The following NAALADL2 variants were observed in gnomAD, a reference collection of about 807,000 sequenced individuals.
NAALADL2 encodes N-acetylated alpha-linked acidic dipeptidase like 2, also known as inactive N-acetylated-alpha-linked acidic dipeptidase-like protein 2.
In NAALADL2, 76 loss-of-function variants were observed where a neutral mutation model predicts 87.2. The ratio of observed to expected loss-of-function variants is 0.87; its 90% CI spans 0.72 to 1.05. The LOEUF (loss-of-function observed/expected upper bound fraction) is 1.05, where lower values mean the gene tolerates loss of function less well. Ranked by LOEUF, NAALADL2 falls within the 50% of genes least tolerant of loss-of-function variation. NAALADL2 has a pLI of 0.00. For synonymous variants in NAALADL2, 354 were observed against 331.0 expected (o/e 1.07, Z -0.75); for missense variants, 1,089 against 945.8 (o/e 1.15, Z -1.99).
chr3:175,659,046 T>C (rs1166370366), intron 11 of NAALADL2, among the ~76,000 whole-genome samples: 2 of 152,196 alleles, frequency 1.3e-5, no homozygotes, highest in African/African-American at 2.4e-5. Context: ...AGGCCATCTG[T>C]TTATTAACCA....
intron 10 of NAALADL2, among the ~76,000 whole-genome samples, chr3:175,584,385 T>G (rs1186597277): frequency 1.4e-5 from 2 of 147,644 alleles, no homozygotes; most frequent in Non-Finnish European, 2.9e-5. Context: ...ACAAAGCAGT[T>G]AAGAAAACTG....
chr3:174,662,570 C>A (rs937798796), intron 2 of NAALADL2, among the ~76,000 whole-genome samples: 1 of 152,038 alleles, frequency 6.6e-6, no homozygotes, highest in Non-Finnish European at 1.5e-5. Flanking sequence ...GGCAAGATAA[C>A]TTGATCAGAG....
intron 1 of NAALADL2, among the ~76,000 whole-genome samples, chr3:174,883,051 A>C (rs113672621): frequency 2.0e-5 from 3 of 151,910 alleles, no homozygotes; most frequent in Non-Finnish European, 4.4e-5. Context: ...TTGGAGTCCG[A>C]TGTTCAAGGG....
intron 4 of NAALADL2, among the ~76,000 whole-genome samples, chr3:175,304,943 C>T (rs1317518370): frequency 6.6e-6 from 1 of 151,784 alleles, no homozygotes; most frequent in Non-Finnish European, 1.5e-5. Context: ...GAATTAAGTT[C>T]CTATGTAAAC....
intron 4 of NAALADL2, among the ~76,000 whole-genome samples, chr3:175,303,645 G>A (rs1020510334): frequency 1.3e-5 from 2 of 152,126 alleles, no homozygotes; most frequent in Non-Finnish European, 2.9e-5. Context: ...CGCACATAGC[G>A]TTACTTGCAG....
In NAALADL2 at chr3:175,184,290, C is replaced by T. The variant is rs116483573; in HGVS notation, c.546-49641C>T. On this transcript the variant is annotated intron_variant, in intron 2 of 13. Coordinates refer to ENST00000454872, the MANE Select transcript of NAALADL2 (RefSeq NM_207015.3). The stretch of plus-strand genomic sequence containing the variant: ...AGAACTTTTTCCCTTTAATATCAAG[C>T]AAAGCTTGAGATGCAGATTGAGCAT... Among the ~76,000 whole-genome samples the T allele has an allele frequency of 6.7e-3, 1,018 of 152,048 alleles. 10 individuals are homozygous for T. The highest frequency in any genetic ancestry group is 0.023 in the African/African-American group (945 of 41,502).
chr3:175,147,916 A>G (rs1223444639), intron 2 of NAALADL2, among the ~76,000 whole-genome samples: 3 of 151,804 alleles, frequency 2.0e-5, no homozygotes, highest in Non-Finnish European at 2.9e-5. Flanking sequence ...CTAAAAATAC[A>G]AAAATTAGCC....
intron 9 of NAALADL2, among the ~76,000 whole-genome samples, chr3:175,554,649 A>G (rs931308829): frequency 2.0e-5 from 3 of 152,122 alleles, no homozygotes; most frequent in African/African-American, 7.2e-5. Flanking sequence ...AGTACTTAAT[A>G]CACCCTGATA....
intron 1 of NAALADL2, among the ~76,000 whole-genome samples, chr3:174,958,549 C>T (rs1025351213): frequency 6.6e-6 from 1 of 151,964 alleles, no homozygotes; most frequent in South Asian, 2.1e-4. Context: ...TGGAGTGATT[C>T]AATAACTGAT....
chr3:174,916,752 A>G (rs1734467105), intron 1 of NAALADL2, among the ~76,000 whole-genome samples: 1 of 152,116 alleles, frequency 6.6e-6, no homozygotes, highest in Non-Finnish European at 1.5e-5. Flanking sequence ...AAGACTACAC[A>G]CTGTGTATAG....
intron 5 of NAALADL2, among the ~76,000 whole-genome samples, chr3:175,393,944 C>A (rs1192331274): frequency 6.6e-6 from 1 of 152,048 alleles, no homozygotes; most frequent in Non-Finnish European, 1.5e-5. Flanking sequence ...ATCTTGACAC[C>A]TTTTTAAGTA....
intron 2 of NAALADL2, among the ~76,000 whole-genome samples, chr3:174,640,259 G>T (rs1723037652): frequency 6.6e-6 from 1 of 152,290 alleles, no homozygotes; most frequent in African/African-American, 2.4e-5. Context: ...TTGCTGCAGG[G>T]AAGCCAGTGA....
At chr3:174,580,580 G>T (rs1716055845) in intron 2 of NAALADL2, among the ~76,000 whole-genome samples, 1 of 151,692 alleles carries the variant, frequency 6.6e-6, no homozygotes, top group Non-Finnish European at 1.5e-5. Context: ...TTGTTTCCAG[G>T]CAGCCATTAA....
At chr3:174,682,400 T>C (rs1727630206) in intron 2 of NAALADL2, among the ~76,000 whole-genome samples, 1 of 152,132 alleles carries the variant, frequency 6.6e-6, no homozygotes, top group Admixed American at 6.5e-5. Context: ...CCTAGGTCTT[T>C]GAGTGAACTT....
intron 10 of NAALADL2, among the ~76,000 whole-genome samples, chr3:175,611,364 G>A (rs1378232825): frequency 6.6e-6 from 1 of 151,912 alleles, no homozygotes; most frequent in African/African-American, 2.4e-5. Context: ...TAAAATATTG[G>A]TCATAAATTT....
chr3:175,774,886 CTTT>C (rs1400006420), intron 13 of NAALADL2: 5 of 151,862 alleles, frequency 3.3e-5, no homozygotes, highest in East Asian at 1.9e-4. Flanking sequence ...TCATTGATTT[CTTT>C]TTTATGTAGT....
At chr3:174,707,036 A>G (rs1418602958) in intron 2 of NAALADL2, among the ~76,000 whole-genome samples, 1 of 152,210 alleles carries the variant, frequency 6.6e-6, no homozygotes, top group Non-Finnish European at 1.5e-5. Flanking sequence ...CAACAGACAC[A>G]TGAAAAAATG....
chr3:175,433,489 T>C (rs1159829870), intron 5 of NAALADL2, among the ~76,000 whole-genome samples: 1 of 151,972 alleles, frequency 6.6e-6, no homozygotes, highest in Non-Finnish European at 1.5e-5. Flanking sequence ...AAAGATACCA[T>C]TCCTATCCCT....
At chr3:175,656,857 G>A (rs894962560) in intron 11 of NAALADL2, among the ~76,000 whole-genome samples, 1 of 152,010 alleles carries the variant, frequency 6.6e-6, no homozygotes, top group Non-Finnish European at 1.5e-5. Flanking sequence ...CCTGTAACCT[G>A]GCTTTGTGTC....
Sources: gnomAD v4.1 joint callset for allele counts (sites outside exome capture counted in the v4.1 genomes callset) on GRCh38, gnomAD v4.1.1 for gene constraint, MANE v1.5 for transcripts, NCBI Gene and HGNC (gene_info 2026-07-23, HGNC 2026-07-21) for gene names.